Variants in KCNN2 observed in about 807,000 individuals in gnomAD.
KCNN2 encodes the protein small conductance calcium-activated potassium channel protein 2.
Under a neutral mutation model 55.5 loss-of-function variants are expected in KCNN2, and 24 were observed. That is an observed-to-expected ratio of 0.43 (90% confidence interval 0.31 to 0.61). The LOEUF is 0.61. Ranked by LOEUF, KCNN2 falls within the 20% of genes least tolerant of loss-of-function variation. KCNN2 has a pLI of 0.08. For synonymous variants in KCNN2, 431 were observed against 336.1 expected, an observed-to-expected ratio of 1.28 and a Z score of -3.09; for missense variants, 754 against 853.6, an observed-to-expected ratio of 0.88 and a Z score of 1.45.
intron 2 of KCNN2, among the ~76,000 whole-genome samples, chr5:114,293,714 G>A (rs141946679): frequency 0.055 from 8,448 of 152,294 alleles, 321 homozygotes; most frequent in Non-Finnish European, 0.082. Flanking sequence ...CATAAAATGC[G>A]TTAGGGAGGA....
intron 1 of KCNN2, among the ~76,000 whole-genome samples, chr5:114,063,739 G>T (rs936463198): frequency 1.3e-5 from 2 of 152,190 alleles, no homozygotes; most frequent in Non-Finnish European, 2.9e-5. Context: ...CCTGATTTTA[G>T]CACTGAAAGT....
chr5:114,436,174 T>G (rs1355631037), intron 3 of KCNN2, among the ~76,000 whole-genome samples: 1 of 152,162 alleles, frequency 6.6e-6, no homozygotes, highest in Non-Finnish European at 1.5e-5. Context: ...CTACCAGAAA[T>G]GAGAAATTGT....
At chr5:114,182,603 A>G (rs949233695) in intron 1 of KCNN2, among the ~76,000 whole-genome samples, 1 of 152,024 alleles carries the variant, frequency 6.6e-6, no homozygotes, top group East Asian at 1.9e-4. Context: ...TCCTAAACCT[A>G]TTTCTAAATA....
At chr5:114,130,222 A>G (rs1752044007) in intron 1 of KCNN2, among the ~76,000 whole-genome samples, 1 of 152,020 alleles carries the variant, frequency 6.6e-6, no homozygotes, top group African/African-American at 2.4e-5. Flanking sequence ...GAGTAGTTCT[A>G]TTTCTTTCTG....
At chr5:114,410,763 G>A (rs534151775) in intron 3 of KCNN2, among the ~76,000 whole-genome samples, 2 of 152,010 alleles carry the variant, frequency 1.3e-5, no homozygotes, top group Non-Finnish European at 2.9e-5. Flanking sequence ...ATAATAAATT[G>A]GAGATTCCAG....
intron 1 of KCNN2, among the ~76,000 whole-genome samples, chr5:114,102,761 A>G (rs932873619): frequency 1.3e-5 from 2 of 152,000 alleles, no homozygotes; most frequent in African/African-American, 4.8e-5. Flanking sequence ...GTGTGTTGTT[A>G]TTTCTGAGGC....
At chr5:114,352,074 A>G (rs1310290622) in intron 2 of KCNN2, among the ~76,000 whole-genome samples, 1 of 151,790 alleles carries the variant, frequency 6.6e-6, no homozygotes, top group Non-Finnish European at 1.5e-5. Context: ...TTCTTCATAG[A>G]AAGTTAAAAA....
At chr5:114,371,864 G>A (rs1757767744) in intron 2 of KCNN2, among the ~76,000 whole-genome samples, 1 of 152,094 alleles carries the variant, frequency 6.6e-6, no homozygotes, top group African/African-American at 2.4e-5. Flanking sequence ...TTCCAGTGGG[G>A]CTGTTACCTC....
At chr5:114,174,095 A>G (rs1371120728) in intron 1 of KCNN2, among the ~76,000 whole-genome samples, 2 of 152,048 alleles carry the variant, frequency 1.3e-5, no homozygotes, top group African/African-American at 4.8e-5. Flanking sequence ...ATTTCTTACA[A>G]TGCAAACATT....
At chr5:114,436,411 A>T (rs1261767477) in intron 3 of KCNN2, among the ~76,000 whole-genome samples, 2 of 152,214 alleles carry the variant, frequency 1.3e-5, no homozygotes, top group Admixed American at 1.3e-4. Context: ...TCATTAAATG[A>T]TCGTAAAATT....
chr5:114,138,939 A>G (rs1431226287), intron 1 of KCNN2, among the ~76,000 whole-genome samples: 1 of 152,196 alleles, frequency 6.6e-6, no homozygotes, highest in Non-Finnish European at 1.5e-5. Flanking sequence ...CGTTATGGCA[A>G]TTGCACTAGT....
chr5:114,164,960 A>T (rs1752878591), intron 1 of KCNN2, among the ~76,000 whole-genome samples: 1 of 152,182 alleles, frequency 6.6e-6, no homozygotes, highest in African/African-American at 2.4e-5. Flanking sequence ...ATGATCCTAT[A>T]AGGAAGGCAC....
intron 1 of KCNN2, among the ~76,000 whole-genome samples, chr5:114,078,237 T>G (rs970019185): frequency 6.6e-6 from 1 of 152,176 alleles, no homozygotes; most frequent in Admixed American, 6.5e-5. Flanking sequence ...AATTGAGACT[T>G]GCATCAGTGA....
intron 3 of KCNN2, among the ~76,000 whole-genome samples, chr5:114,424,072 T>G (rs147821096): frequency 6.8e-4 from 104 of 152,356 alleles, no homozygotes; most frequent in African/African-American, 2.5e-3. Flanking sequence ...TGTTCCCAAA[T>G]TCTTTCTTGG....
At chr5:114,153,724 A>G (rs987672665) in intron 1 of KCNN2, among the ~76,000 whole-genome samples, 2 of 152,194 alleles carry the variant, frequency 1.3e-5, no homozygotes, top group East Asian at 1.9e-4. Flanking sequence ...TGCCATACAA[A>G]TATCCCTGAA....
intron 3 of KCNN2, among the ~76,000 whole-genome samples, chr5:114,432,125 TG>T (rs983007426): frequency 3.2e-4 from 48 of 152,264 alleles, no homozygotes; most frequent in African/African-American, 1.2e-3. Context: ...ACGTTGTTAC[TG>T]ATTTTCTGCC....
At chr5:114,086,454 C>G (rs1488113242) in intron 1 of KCNN2, among the ~76,000 whole-genome samples, 1 of 151,068 alleles carries the variant, frequency 6.6e-6, no homozygotes, top group African/African-American at 2.4e-5. Flanking sequence ...ATCTAGTAGT[C>G]CTCAGTGTCT....
rs935781788 is a variant in KCNN2 at position 114,219,356 on chromosome 5, G to A, written c.-270-2124G>A. 1.9e-4 allele frequency among the ~76,000 whole-genome samples: 29 copies of A among 152,128 alleles called. 1 individual carries two copies. The highest frequency in any genetic ancestry group is 4.0e-4 in the Non-Finnish European group (27 of 68,036). ...CTCCCAAGCTCTTGTCTGGTATCCA[G>A]GAAAAATGAGGTCACCCAAACAAAT... On this transcript the variant is annotated intron_variant, in intron 1 of 10. Transcript: ENST00000512097.
chr5:114,432,607 G>A (rs1420475947), intron 3 of KCNN2, among the ~76,000 whole-genome samples: 1 of 152,166 alleles, frequency 6.6e-6, no homozygotes, highest in Admixed American at 6.5e-5. Flanking sequence ...TCAGCCCACC[G>A]CTGCACTGTG....
Sources: allele counts gnomAD v4.1 joint callset (sites outside exome capture counted in the v4.1 genomes callset), GRCh38; gene constraint gnomAD v4.1.1; transcripts MANE v1.5; gene names NCBI Gene and HGNC (gene_info 2026-07-23, HGNC 2026-07-21).